The following SRRM4 variants were observed in gnomAD, a reference collection of about 807,000 sequenced individuals.
SRRM4 encodes serine/arginine repetitive matrix protein 4.
A neutral mutation model predicts 68.9 loss-of-function variants in SRRM4; 33 were observed. That is an observed-to-expected ratio of 0.48 (90% CI 0.36 to 0.64). SRRM4 has a LOEUF of 0.64. Among genes scored for constraint, SRRM4 ranks in the 30% least tolerant of loss-of-function variants. The probability of loss-of-function intolerance (pLI) is 0.00; values close to 1 mark genes in which losing one functional copy is unlikely to be tolerated. For synonymous variants in SRRM4, 318 were observed against 318.8 expected (o/e 1.00, Z 0.03); for missense variants, 817 against 827.1 (o/e 0.99, Z 0.15).
At chr12:119,085,004 G>A (rs1448071897) in intron 1 of SRRM4, among the ~76,000 whole-genome samples, 3 of 152,162 alleles carry the variant, frequency 2.0e-5, no homozygotes, top group Non-Finnish European at 2.9e-5. Context: ...GGGTTCAAGC[G>A]ATTCTCCTGT....
At chr12:119,121,044 G>A (rs1414043052) in intron 5 of SRRM4, among the ~76,000 whole-genome samples, 2 of 152,226 alleles carry the variant, frequency 1.3e-5, no homozygotes, top group Non-Finnish European at 2.9e-5. Flanking sequence ...TCTGCAGCTT[G>A]AGTAATGGCC....
At chr12:119,120,300 C>A (rs1954211332) in intron 5 of SRRM4, 24 bp downstream of exon 5, 1 of 1,550,360 alleles carries the variant, frequency 6.5e-7, no homozygotes, top group Non-Finnish European at 8.7e-7. Context: ...TCTCTGACTG[C>A]CTGTTCAATT....
At chr12:119,068,836 A>G (rs1953861319) in intron 1 of SRRM4, among the ~76,000 whole-genome samples, 1 of 152,154 alleles carries the variant, frequency 6.6e-6, no homozygotes, top group Non-Finnish European at 1.5e-5. Context: ...GATGGCAAGG[A>G]GAAAGAAACA....
At chr12:119,120,397 T>C in intron 5 of SRRM4, 121 bp downstream of exon 5, 1 of 1,041,722 alleles carries the variant, frequency 9.6e-7, no homozygotes, top group Non-Finnish European at 1.4e-6. Flanking sequence ...TTCATCTTCC[T>C]GGGCCTCAGT....
intron 4 of SRRM4, among the ~76,000 whole-genome samples, chr12:119,119,038 G>A (rs796913296): frequency 6.8e-4 from 96 of 140,400 alleles, no homozygotes; most frequent in African/African-American, 2.5e-3. Flanking sequence ...TAGGGGTAGC[G>A]AAAGCACTGA....
chr12:119,113,674 G>A (rs1954158713), intron 2 of SRRM4, among the ~76,000 whole-genome samples: 1 of 152,160 alleles, frequency 6.6e-6, no homozygotes, highest in African/African-American at 2.4e-5. Context: ...AATCCCTGGA[G>A]CCTGCCCCAA....
At chr12:119,048,942 A>T (rs1953724492) in intron 1 of SRRM4, among the ~76,000 whole-genome samples, 2 of 152,154 alleles carry the variant, frequency 1.3e-5, no homozygotes, top group Non-Finnish European at 2.9e-5. Context: ...TAATAACAGC[A>T]ATTGCATCAA....
chr12:119,151,596 G>A (rs1954440049), intron 10 of SRRM4, among the ~76,000 whole-genome samples: 1 of 152,160 alleles, frequency 6.6e-6, no homozygotes, highest in Admixed American at 6.5e-5. Context: ...TAAAACAAGT[G>A]CTACTTAGTT....
intron 2 of SRRM4, among the ~76,000 whole-genome samples, chr12:119,107,733 TGATCTATCAA>T (rs1205501153): frequency 6.6e-6 from 1 of 152,168 alleles, no homozygotes; most frequent in Non-Finnish European, 1.5e-5. Flanking sequence ...GTCTTGCTAG[TGATCTATCAA>T]TTTTGTTGAT....
chr12:119,150,923 G>A, intron 9 of SRRM4, 94 bp from the exon 10 acceptor site: 2 of 1,144,768 alleles, frequency 1.7e-6, no homozygotes, highest in Non-Finnish European at 2.6e-6. Flanking sequence ...TTCTATGAGA[G>A]CACCACAGCC....
intron 1 of SRRM4, among the ~76,000 whole-genome samples, chr12:118,984,816 A>G (rs1309368410): frequency 2.0e-5 from 3 of 152,176 alleles, no homozygotes; most frequent in African/African-American, 7.2e-5. Context: ...CAGAGTGGGA[A>G]GCAGTATATC....
intron 10 of SRRM4, 84 bp downstream of exon 10, chr12:119,151,304 G>T: frequency 7.7e-7 from 1 of 1,305,706 alleles, no homozygotes; most frequent in Non-Finnish European, 1.1e-6. Flanking sequence ...ACCCATGGGG[G>T]AGAGAAGTCA....
intron 1 of SRRM4, among the ~76,000 whole-genome samples, chr12:119,053,264 C>A (rs1409434736): frequency 1.8e-4 from 27 of 152,158 alleles, no homozygotes; most frequent in African/African-American, 5.6e-4. Context: ...AAACAGGACA[C>A]TTATTTTCCA....
chr12:119,140,414 C>T (rs1954357991), intron 8 of SRRM4, among the ~76,000 whole-genome samples: 2 of 151,932 alleles, frequency 1.3e-5, no homozygotes, highest in South Asian at 4.1e-4. Flanking sequence ...CTATAGTCGT[C>T]CTGATGTGCT....
chr12:119,113,927 AG>A (rs1328157700), intron 2 of SRRM4, among the ~76,000 whole-genome samples: 2 of 152,124 alleles, frequency 1.3e-5, no homozygotes, highest in Non-Finnish European at 2.9e-5. Flanking sequence ...TTGGGGAGGG[AG>A]GGGGCTGAAC....
intron 1 of SRRM4, among the ~76,000 whole-genome samples, chr12:119,078,098 G>C (rs918272252): frequency 6.6e-6 from 1 of 152,190 alleles, no homozygotes; most frequent in African/African-American, 2.4e-5. Context: ...AACATAAGCA[G>C]CTTGAGGAGT....
At chr12:119,148,285 G>T (rs1187120563) in intron 9 of SRRM4, among the ~76,000 whole-genome samples, 5 of 152,158 alleles carry the variant, frequency 3.3e-5, no homozygotes, top group Non-Finnish European at 7.3e-5. Context: ...ATGCAGAACT[G>T]CCTTCCCATT....
intron 8 of SRRM4, among the ~76,000 whole-genome samples, chr12:119,140,227 A>T (rs978654194): frequency 1.3e-5 from 2 of 152,008 alleles, no homozygotes; most frequent in Non-Finnish European, 2.9e-5. Context: ...ATACAAAAAA[A>T]ATTACCTGGG....
chr12:119,085,057 C>T (rs1359090010), intron 1 of SRRM4, among the ~76,000 whole-genome samples: 2 of 152,090 alleles, frequency 1.3e-5, no homozygotes, highest in Admixed American at 6.5e-5. Context: ...CCCACCACCA[C>T]GCTGGGCTAA....
Sources: allele counts gnomAD v4.1 joint callset (sites outside exome capture counted in the v4.1 genomes callset), GRCh38; gene constraint gnomAD v4.1.1; transcripts MANE v1.5; gene names NCBI Gene and HGNC (gene_info 2026-07-23, HGNC 2026-07-21).